Variants in SLC10A7 observed in about 807,000 individuals in gnomAD.
SLC10A7 encodes the protein solute carrier family 10 member 7.
A neutral mutation model predicts 43.2 loss-of-function variants in SLC10A7; 29 were observed. The observed-to-expected ratio is 0.67, with a 90% CI of 0.50 to 0.92. SLC10A7 has a LOEUF of 0.92. SLC10A7 is among the 40% of genes least tolerant of loss of function. The probability of loss-of-function intolerance (pLI) is 0.00; values close to 1 mark genes in which losing one functional copy is unlikely to be tolerated. For synonymous variants in SLC10A7, 152 were observed against 144.8 expected, an observed-to-expected ratio of 1.05 and a Z score of -0.35; for missense variants, 295 against 403.2, an observed-to-expected ratio of 0.73 and a Z score of 2.30.
At chr4:146,298,434 A>G (rs1391291799) in intron 7 of SLC10A7, among the ~76,000 whole-genome samples, 1 of 152,226 alleles carries the variant, frequency 6.6e-6, no homozygotes, top group East Asian at 1.9e-4. Context: ...TTAATGGAAG[A>G]CTAATATGAA....
intron 4 of SLC10A7, among the ~76,000 whole-genome samples, chr4:146,456,668 A>G (rs1013549740): frequency 6.6e-6 from 1 of 151,978 alleles, no homozygotes; most frequent in Non-Finnish European, 1.5e-5. Flanking sequence ...AGAGAACATC[A>G]AGATGCTCAC....
At chr4:146,326,889 C>T (rs1170997965) in intron 5 of SLC10A7, among the ~76,000 whole-genome samples, 4 of 150,260 alleles carry the variant, frequency 2.7e-5, no homozygotes, top group African/African-American at 4.9e-5. Context: ...TGAGGTTGTG[C>T]GTGCCTAAGA....
intron 5 of SLC10A7, among the ~76,000 whole-genome samples, chr4:146,424,790 A>G (rs143292150): frequency 7.9e-4 from 121 of 152,324 alleles, no homozygotes; most frequent in African/African-American, 2.6e-3. Flanking sequence ...CTACAACATT[A>G]TACTATTTTC....
At chr4:146,257,246 T>C (rs1727940099) in intron 11 of SLC10A7, among the ~76,000 whole-genome samples, 1 of 152,224 alleles carries the variant, frequency 6.6e-6, no homozygotes, top group African/African-American at 2.4e-5. Context: ...AAAAAGTTAC[T>C]GAACTGTTCC....
chr4:146,401,793 G>A (rs1036621598), intron 5 of SLC10A7, among the ~76,000 whole-genome samples: 1 of 152,180 alleles, frequency 6.6e-6, no homozygotes, highest in Non-Finnish European at 1.5e-5. Context: ...ATGGAAAATA[G>A]TAAGTCAAAT....
At chr4:146,475,995 T>A (rs1049583748) in intron 4 of SLC10A7, among the ~76,000 whole-genome samples, 1 of 152,224 alleles carries the variant, frequency 6.6e-6, no homozygotes, top group African/African-American at 2.4e-5. Context: ...GAAAGAGATC[T>A]GAATTGCCTG....
At chr4:146,438,429 C>G (rs1730358977) in intron 5 of SLC10A7, among the ~76,000 whole-genome samples, 1 of 152,012 alleles carries the variant, frequency 6.6e-6, no homozygotes, top group African/African-American at 2.4e-5. Flanking sequence ...CTTTTTTAGA[C>G]TAGATGTTTT....
intron 5 of SLC10A7, among the ~76,000 whole-genome samples, chr4:146,413,251 A>C (rs563857811): frequency 1.3e-5 from 2 of 152,246 alleles, no homozygotes; most frequent in African/African-American, 4.8e-5. Flanking sequence ...CAATTATTTT[A>C]AGTGTGTCAT....
At position 146,291,709 on chromosome 4, in the gene SLC10A7, T is replaced by C. The variant is rs531512444; in HGVS notation, c.773+1220A>G. Reference sequence around the variant, plus strand: ...ACCAAGAACTCCCTCTTGGCATCTCTAACTGCTGAACAATTAGCCATTCTG... The same window carrying C: ...ACCAAGAACTCCCTCTTGGCATCTCCAACTGCTGAACAATTAGCCATTCTG... On this transcript the variant is annotated intron_variant, in intron 9 of 11. Transcript: ENST00000335472. Among the ~76,000 whole-genome samples, 18 of 152,316 alleles carry C rather than the reference T, an allele frequency of 1.2e-4. No homozygotes were observed. In the South Asian group the frequency reaches 2.7e-3, roughly 23 times the overall value.
chr4:146,409,948 A>T (rs1395765859), intron 5 of SLC10A7, among the ~76,000 whole-genome samples: 4 of 152,226 alleles, frequency 2.6e-5, no homozygotes, highest in African/African-American at 9.6e-5. Flanking sequence ...TTCATAGCAT[A>T]ATTGTACCTT....
chr4:146,504,064 C>G, intron 3 of SLC10A7, 140 bp from the exon 4 acceptor site: 1 of 728,690 alleles, frequency 1.4e-6, no homozygotes, highest in Non-Finnish European at 2.4e-6. Context: ...TGAATTTAGA[C>G]AAGTCTACAC....
At chr4:146,454,347 G>C (rs1429258662) in intron 4 of SLC10A7, among the ~76,000 whole-genome samples, 1 of 151,752 alleles carries the variant, frequency 6.6e-6, no homozygotes, top group African/African-American at 2.4e-5. Context: ...TTAAGTGGGA[G>C]AGGCCATTAA....
chr4:146,390,838 AT>A (rs1359570445), intron 5 of SLC10A7, among the ~76,000 whole-genome samples: 4 of 152,060 alleles, frequency 2.6e-5, no homozygotes. Flanking sequence ...TAATTCTAAA[AT>A]CAGATTTTCC....
chr4:146,486,649 T>C (rs1381684358), intron 4 of SLC10A7, among the ~76,000 whole-genome samples: 1 of 152,232 alleles, frequency 6.6e-6, no homozygotes, highest in Non-Finnish European at 1.5e-5. Context: ...TTCCTGGTAG[T>C]ATTTGGGTTC....
chr4:146,410,108 A>G (rs190126242), intron 5 of SLC10A7, among the ~76,000 whole-genome samples: 1 of 152,266 alleles, frequency 6.6e-6, no homozygotes, highest in East Asian at 1.9e-4. Flanking sequence ...CAAGGTTAGA[A>G]AGGTAAGGTA....
At chr4:146,268,936 C>T (rs143807774) in intron 10 of SLC10A7, among the ~76,000 whole-genome samples, 1 of 152,114 alleles carries the variant, frequency 6.6e-6, no homozygotes, top group African/African-American at 2.4e-5. Flanking sequence ...ATAACCGTTA[C>T]ACAGAAAAGT....
rs1560991462 is a variant in SLC10A7, at chr4:146,519,089, AT to A, written c.101-1970del. Among the ~76,000 whole-genome samples, 346 of 120,034 alleles carry A rather than the reference AT, an allele frequency of 2.9e-3. 15 individuals carry two copies. The highest frequency in any genetic ancestry group is 1.0e-2 in the African/African-American group (314 of 31,446). The allele number at this position is 120,034 out of a possible 152,430, so 78.7% of individuals were successfully genotyped here. A position where few individuals can be genotyped will look rare whatever the true frequency, so the allele number is the denominator to read the frequency against. On this transcript the variant is annotated intron_variant, in intron 1 of 11. Transcript: ENST00000335472. ...ACCATATATATATATATATATATAT[AT>A]ATATATATATATATATATATATAAT... is the stretch of plus-strand genomic sequence containing the variant.
At chr4:146,350,942 C>G (rs1290872574) in intron 5 of SLC10A7, among the ~76,000 whole-genome samples, 2 of 147,114 alleles carry the variant, frequency 1.4e-5, no homozygotes, top group African/African-American at 5.2e-5. Context: ...AAAAACAGAA[C>G]AGAAAAACTG....
At chr4:146,423,606 C>T (rs1379161867) in intron 5 of SLC10A7, among the ~76,000 whole-genome samples, 2 of 151,992 alleles carry the variant, frequency 1.3e-5, no homozygotes, top group African/African-American at 4.8e-5. Context: ...TAAAAAAGAT[C>T]AACGAAGAAA....
Sources: gnomAD v4.1 joint callset for allele counts (sites outside exome capture counted in the v4.1 genomes callset) on GRCh38, gnomAD v4.1.1 for gene constraint, MANE v1.5 for transcripts, NCBI Gene and HGNC (gene_info 2026-07-23, HGNC 2026-07-21) for gene names.